Variants in GCNT2 observed in about 807,000 individuals in gnomAD.
GCNT2 encodes the protein N-acetyllactosaminide beta-1,6-N-acetylglucosaminyl-transferase.
Under a neutral mutation model 34.2 loss-of-function variants are expected in GCNT2, and 34 were observed. The ratio of observed to expected loss-of-function variants is 1.00; its 90% CI spans 0.76 to 1.32. The LOEUF (loss-of-function observed/expected upper bound fraction) is 1.32. Ranked by LOEUF, GCNT2 falls within the 40% of genes most tolerant of loss-of-function variation. GCNT2 has a pLI of 0.00. For synonymous variants in GCNT2, 212 were observed against 188.0 expected, an observed-to-expected ratio of 1.13 and a Z score of -1.04; for missense variants, 584 against 489.4, an observed-to-expected ratio of 1.19 and a Z score of -1.82.
intron 3 of GCNT2, among the ~76,000 whole-genome samples, chr6:10,616,466 GT>G (rs1320317205): frequency 2.0e-5 from 3 of 152,204 alleles, no homozygotes; most frequent in African/African-American, 7.2e-5. Context: ...TGATTGGTCT[GT>G]TTTACAGAGA....
chr6:10,582,593 AATATTTAT>A (rs1002214476), intron 3 of GCNT2, among the ~76,000 whole-genome samples: 3 of 123,972 alleles, frequency 2.4e-5, no homozygotes, highest in African/African-American at 8.2e-5. Context: ...CTATATATAA[AATATTTAT>A]ATATTTATAT....
At position 10,559,283 on chromosome 6, in the gene GCNT2, A is replaced by G. The variant is rs532329622; in HGVS notation, c.925+29447A>G. On this transcript the variant is annotated intron_variant, in intron 3 of 4. Transcript: ENST00000495262. The stretch of plus-strand genomic sequence containing the variant: ...CTGGATAGGTGTAGGAGAGAATGCT[A>G]TCTAGATGGGTATAGGAGAGAACGA... Among the ~76,000 whole-genome samples, 11 of 152,282 alleles carry G rather than the reference A, an allele frequency of 7.2e-5. No individual in the cohort carries two copies. In the East Asian group the frequency reaches 1.2e-3, roughly 16 times the overall value.
intron 1 of GCNT2, among the ~76,000 whole-genome samples, chr6:10,525,856 A>G (rs604454): frequency 0.1 from 15,163 of 152,270 alleles, 845 homozygotes; most frequent in Middle Eastern, 0.14. Flanking sequence ...GCAGGCAAAT[A>G]ATTCAAGATG....
At chr6:10,620,084 C>G (rs1462495320) in intron 3 of GCNT2, among the ~76,000 whole-genome samples, 1 of 152,224 alleles carries the variant, frequency 6.6e-6, no homozygotes, top group Admixed American at 6.5e-5. Flanking sequence ...ACTTTAATCT[C>G]CCTTTGCTGT....
At chr6:10,533,820 A>G (rs1761622263) in intron 3 of GCNT2, among the ~76,000 whole-genome samples, 1 of 150,670 alleles carries the variant, frequency 6.6e-6, no homozygotes, top group African/African-American at 2.4e-5. Flanking sequence ...AAAAAAAAAA[A>G]AAAAAAGAAT....
chr6:10,592,895 C>A (rs1157698940), intron 3 of GCNT2, among the ~76,000 whole-genome samples: 7 of 151,950 alleles, frequency 4.6e-5, no homozygotes, highest in Admixed American at 6.6e-5. Flanking sequence ...TGTGTGCCAC[C>A]ATGCCCAGCT....
chr6:10,557,806 T>C (rs1334450697), intron 3 of GCNT2, among the ~76,000 whole-genome samples: 5 of 152,228 alleles, frequency 3.3e-5, no homozygotes, highest in Admixed American at 2.6e-4. Flanking sequence ...ATGATGTTCT[T>C]TATGTGATAA....
intron 3 of GCNT2, among the ~76,000 whole-genome samples, chr6:10,594,134 C>G (rs552775704): frequency 7.9e-5 from 12 of 152,308 alleles, no homozygotes; most frequent in Middle Eastern, 3.4e-3. Flanking sequence ...GGCCCTACCC[C>G]GAAGTTTCTG....
In GCNT2 at chr6:10,529,772, C is replaced by G. The variant is rs772360747; in HGVS notation, c.861C>G (p.Leu287=). The G allele has an allele frequency of 8.7e-6, 14 of 1,614,052 alleles. No individual in the cohort carries two copies. In the Admixed American group the frequency reaches 2.0e-4, roughly 23 times the overall value. The change falls in exon 3 of 5, where the codon CTC becomes CTG. Residue 287 remains leucine (L), a synonymous_variant. Transcript: ENST00000495262. ...AAGACCAGCTCGCACTTGACTTACT[C>G]TCCTGGTCCAAGGACACCTACAGCC... is the stretch of plus-strand genomic sequence containing the variant. ...VLQDQLALDL[L]SWSKDTYSPD...
At chr6:10,610,154 CA>C (rs1323692751) in intron 3 of GCNT2, among the ~76,000 whole-genome samples, 1 of 152,170 alleles carries the variant, frequency 6.6e-6, no homozygotes, top group African/African-American at 2.4e-5. Flanking sequence ...TGTGTTTGAG[CA>C]ATGCTATTAT....
intron 3 of GCNT2, among the ~76,000 whole-genome samples, chr6:10,592,095 A>ACCAGGACG (rs1561824339): frequency 2.0e-5 from 3 of 152,122 alleles, no homozygotes; most frequent in African/African-American, 7.2e-5. Context: ...ATGTCTTAAC[A>ACCAGGACG]AACGTCACCA....
intron 3 of GCNT2, among the ~76,000 whole-genome samples, chr6:10,589,102 AGTG>A (rs1270718580): frequency 1.8e-3 from 192 of 103,944 alleles, no homozygotes; most frequent in African/African-American, 8.0e-3. Context: ...GTGTGTGTGT[AGTG>A]TGTGTGTGGT....
chr6:10,581,271 T>A (rs1184278598), intron 3 of GCNT2, among the ~76,000 whole-genome samples: 1 of 148,892 alleles, frequency 6.7e-6, no homozygotes, highest in Non-Finnish European at 1.5e-5. Flanking sequence ...TTATTTATTT[T>A]TTATTTTTTA....
At chr6:10,522,881 A>G (rs896109278) in intron 1 of GCNT2, among the ~76,000 whole-genome samples, 5 of 152,134 alleles carry the variant, frequency 3.3e-5, no homozygotes, top group African/African-American at 1.2e-4. Flanking sequence ...TATAGAATAC[A>G]CTCAATCCTC....
intron 3 of GCNT2, among the ~76,000 whole-genome samples, chr6:10,549,849 C>T (rs890398506): frequency 2.6e-5 from 4 of 152,146 alleles, no homozygotes; most frequent in South Asian, 2.1e-4. Context: ...TGCTGTGTAT[C>T]GTAATTAGAG....
At chr6:10,588,855 G>A (rs1018910064) in intron 3 of GCNT2, among the ~76,000 whole-genome samples, 11 of 143,692 alleles carry the variant, frequency 7.7e-5, no homozygotes, top group South Asian at 4.4e-4. Flanking sequence ...TGTGTGGTGT[G>A]TATGTGTATG....
At chr6:10,574,980 C>T in intron 3 of GCNT2, 3 of 717,312 alleles carry the variant, frequency 4.2e-6, no homozygotes, top group South Asian at 4.2e-5. Context: ...TGGCAAGAAT[C>T]TTGCCCTTAA....
rs768030226 is a variant in GCNT2, at chr6:10,621,385, T to TGGAAACCTCCCA, written c.969_970insCCAGGAAACCTC (p.Leu323_Arg324insProGlyAsnLeu). The TGGAAACCTCCCA allele has an allele frequency of 6.2e-7, 1 of 1,613,554 alleles. No individual in the cohort carries two copies. The highest frequency in any genetic ancestry group is 1.3e-5 in the African/African-American group (1 of 74,926). ...GCTCTATGCCAAATGCATCCTGGAC[T>TGGAAACCTCCCA]GGAAACCTCAGAGCTATAAAGTGGA... On this transcript the variant is annotated inframe_insertion, in exon 4 of 5. Coordinates refer to ENST00000495262, the MANE Select transcript of GCNT2 (RefSeq NM_145649.5).
intron 3 of GCNT2, among the ~76,000 whole-genome samples, chr6:10,577,918 C>A (rs994404368): frequency 6.6e-6 from 1 of 152,144 alleles, no homozygotes; most frequent in South Asian, 2.1e-4. Context: ...TTAAAATCAG[C>A]GCTTTGCATA....
Sources: allele counts gnomAD v4.1 joint callset (sites outside exome capture counted in the v4.1 genomes callset), GRCh38; gene constraint gnomAD v4.1.1; transcripts MANE v1.5; gene names NCBI Gene and HGNC (gene_info 2026-07-23, HGNC 2026-07-21).